Variants in BRWD3 observed in about 807,000 individuals in gnomAD.
BRWD3 encodes the protein bromodomain and WD repeat domain containing 3.
In BRWD3, 10 loss-of-function variants were observed where a neutral mutation model predicts 149.7. That is an observed-to-expected ratio of 0.07 (90% CI 0.04 to 0.11). The LOEUF is 0.11. Among genes scored for constraint, BRWD3 ranks in the 10% least tolerant of loss-of-function variants. The pLI is 1.00. For missense variants in BRWD3, 940 were observed against 1,373.2 expected, an observed-to-expected ratio of 0.68 and a Z score of 4.99; for synonymous variants, 504 against 456.7, an observed-to-expected ratio of 1.10 and a Z score of -1.32.
At chrX:80,756,409 G>A (rs1398646135) in intron 6 of BRWD3, among the ~76,000 whole-genome samples, 2 of 101,948 alleles carry the variant, frequency 2.0e-5, no homozygotes, top group Admixed American at 1.1e-4. Context: ...GGCTGAGGCA[G>A]GAGAATTGCT....
At chrX:80,764,263 G>A (rs1388290142) in intron 6 of BRWD3, among the ~76,000 whole-genome samples, 1 of 111,462 alleles carries the variant, frequency 9.0e-6, no homozygotes, top group Non-Finnish European at 1.9e-5. Flanking sequence ...CAAACGTTTA[G>A]AAAAAAAGAC....
At chrX:80,714,958 T>C (rs1043735140) in intron 20 of BRWD3, among the ~76,000 whole-genome samples, 1 of 112,336 alleles carries the variant, frequency 8.9e-6, no homozygotes, top group Non-Finnish European at 1.9e-5. Flanking sequence ...AAGTGAAAAC[T>C]ATTTTATTCT....
chrX:80,762,080 A>G (rs1393545515), intron 6 of BRWD3, among the ~76,000 whole-genome samples: 1 of 111,788 alleles, frequency 8.9e-6, no homozygotes, highest in African/African-American at 3.2e-5. Flanking sequence ...AAAAAAATAC[A>G]GCTGACTTTG....
At position 80,722,797 on chromosome X, in the gene BRWD3, A is replaced by G; in HGVS notation, c.1651-10T>C. On this transcript the variant is annotated splice_polypyrimidine_tract_variant and intron_variant, in intron 16 of 40. Transcript: ENST00000373275. ...ACATCTGATCTGGAATCTTTATGACAGATTTTTAGTGGGTTAACATACACA... is the reference window on the plus strand; with the variant it reads ...ACATCTGATCTGGAATCTTTATGACGGATTTTTAGTGGGTTAACATACACA... 1 of 1,176,251 alleles carries G rather than the reference A, an allele frequency of 8.5e-7. No individual in the cohort carries two copies. Among genetic ancestry groups the G allele is most frequent in the Non-Finnish European group, 1.2e-6 (1 of 863,014 alleles).
At chrX:80,706,605 C>A (rs1403500788) in intron 22 of BRWD3, among the ~76,000 whole-genome samples, 1 of 112,258 alleles carries the variant, frequency 8.9e-6, no homozygotes, top group African/African-American at 3.2e-5. Flanking sequence ...GAGACAAAAA[C>A]ACATGGAGCT....
rs776066324 is a variant in BRWD3 at position 80,790,741 on chromosome X, T to C, written c.430+1113A>G. 1.8e-3 allele frequency among the ~76,000 whole-genome samples: 203 copies of C among 112,045 alleles called. 2 individuals are homozygous for C. The highest frequency in any genetic ancestry group is 5.9e-3 in the African/African-American group (182 of 30,896). ...ATGTGACCCATGAAGCATAACACAC[T>C]ACAAAATAATGTTGACAGTATAGCT... On this transcript the variant is annotated intron_variant, in intron 6 of 40. Transcript: ENST00000373275.
At chrX:80,742,237 G>A (rs909103974) in intron 8 of BRWD3, among the ~76,000 whole-genome samples, 2 of 110,511 alleles carry the variant, frequency 1.8e-5, no homozygotes, top group Non-Finnish European at 3.8e-5. Context: ...GTGGCATTAT[G>A]TCTGAGTGCT....
intron 21 of BRWD3, 86 bp from the exon 22 acceptor site, chrX:80,707,589 A>C (rs868261249): frequency 1.1e-6 from 1 of 893,859 alleles, no homozygotes; most frequent in South Asian, 2.2e-5. Context: ...GTTTTATAGC[A>C]TTTTTTTGAA....
At position 80,713,291 on chromosome X, in the gene BRWD3, T is replaced by G. The variant is rs1365135329; in HGVS notation, c.2325+2866A>C. On this transcript the variant is annotated intron_variant, in intron 20 of 40. Coordinates refer to ENST00000373275, the MANE Select transcript of BRWD3 (RefSeq NM_153252.5). The stretch of plus-strand genomic sequence containing the variant: ...AAAGATTGAGAAATCGGATGGTTGC[T>G]GTGTCTGTGTAGAAAGAAGTAGACA... 3.6e-5 allele frequency among the ~76,000 whole-genome samples: 4 copies of G among 111,387 alleles called. No individual in the cohort carries two copies. In the South Asian group the frequency reaches 1.5e-3, roughly 42 times the overall value.
rs184028883 is a variant in BRWD3 at position 80,761,185 on chromosome X, C to T, written c.431-15456G>A. 4.9e-3 allele frequency among the ~76,000 whole-genome samples: 554 copies of T among 112,048 alleles called. 7 individuals carry two copies. The highest frequency in any genetic ancestry group is 5.2e-3 in the Non-Finnish European group (278 of 53,188). On this transcript the variant is annotated intron_variant, in intron 6 of 40. Transcript: ENST00000373275. Reference sequence around the variant, plus strand: ...AATTATTACAGAGTGGTTATACTAACGATACTTTATTAGTGCATCAACCTA... The same window carrying T: ...AATTATTACAGAGTGGTTATACTAATGATACTTTATTAGTGCATCAACCTA...
At chrX:80,755,542 T>TA (rs1167623330) in intron 6 of BRWD3, among the ~76,000 whole-genome samples, 1 of 111,814 alleles carries the variant, frequency 8.9e-6, no homozygotes, top group Non-Finnish European at 1.9e-5. Flanking sequence ...AAAAGCACCA[T>TA]ACAGTGAGAT....
At chrX:80,789,474 C>T (rs1420813932) in intron 6 of BRWD3, among the ~76,000 whole-genome samples, 2 of 111,780 alleles carry the variant, frequency 1.8e-5, no homozygotes, top group Non-Finnish European at 3.8e-5. Context: ...CTCCCGGGTT[C>T]ACGCCATTCT....
Position 80,691,188 on chromosome X carries a change from A to T in BRWD3, c.3482-15T>A. On this transcript the variant is annotated splice_polypyrimidine_tract_variant and intron_variant, in intron 30 of 40. Coordinates refer to ENST00000373275, the MANE Select transcript of BRWD3 (RefSeq NM_153252.5). ...GCTGGCAAAATCTACAAAATTATGA[A>T]AATCAAATAAGGTAGCTATAAAGGA... 1 of 1,202,562 alleles carries T rather than the reference A, an allele frequency of 8.3e-7. No individual in the cohort carries two copies. The highest frequency in any genetic ancestry group is 3.0e-5 in the East Asian group (1 of 33,709).
chrX:80,751,464 C>T (rs770945979), intron 6 of BRWD3, among the ~76,000 whole-genome samples: 7 of 111,687 alleles, frequency 6.3e-5, no homozygotes, highest in Admixed American at 5.7e-4. Flanking sequence ...TAAATAACTA[C>T]CAGAAAGAAA....
chrX:80,802,909 TC>T (rs900136067), intron 4 of BRWD3, among the ~76,000 whole-genome samples: 5 of 110,164 alleles, frequency 4.5e-5, no homozygotes, highest in African/African-American at 1.7e-4. Context: ...ATCGAGACCA[TC>T]CTGGCTAACA....
At position 80,722,683 on chromosome X, in the gene BRWD3, A is replaced by C. The variant is rs797045416; in HGVS notation, c.1755T>G (p.Pro585=). The C allele has an allele frequency of 3.3e-6, 4 of 1,210,253 alleles. No homozygotes were observed. The South Asian group carries it at 5.3e-5, about 16-fold the overall frequency. The change falls in exon 17 of 41, where the codon CCT becomes CCG. Residue 585 remains proline, a synonymous_variant. Transcript: ENST00000373275. ...CATCAACATCCACCAAAAATGGAGG[A>C]GGCATGAGGTGAGGAGCTTGTTGGG... ...EQTQQAPHLM[P]PPFLVDVDGN...
chrX:80,773,247 G>A (rs2073966803), intron 6 of BRWD3, among the ~76,000 whole-genome samples: 1 of 111,132 alleles, frequency 9.0e-6, no homozygotes, highest in Non-Finnish European at 1.9e-5. Flanking sequence ...GTAAAACTGA[G>A]GACATCTGAT....
intron 37 of BRWD3, among the ~76,000 whole-genome samples, chrX:80,683,519 C>G (rs752551941): frequency 9.0e-6 from 1 of 111,580 alleles, no homozygotes; most frequent in African/African-American, 3.2e-5. Context: ...TGATTAAAAG[C>G]TAATCAGATA....
At position 80,722,599 on chromosome X, in the gene BRWD3, A is replaced by G; in HGVS notation, c.1839T>C (p.Asp613=). ...ATCCCAGCTGTGGTATAAGCTGTTC[A>G]TCTTTACAATTTTCCCGTCCTGGTA... ...RLVPGRENCK[D]EQLIPQLGYV... Residue 613 remains aspartate, a synonymous_variant, in exon 17 of 41, where the codon GAT becomes GAC. Transcript: ENST00000373275. 8.3e-7 allele frequency: 1 copy of G among 1,211,661 alleles called. No homozygotes were observed. The highest frequency in any genetic ancestry group is 3.0e-5 in the East Asian group (1 of 33,842).
Sources: allele counts gnomAD v4.1 joint callset (sites outside exome capture counted in the v4.1 genomes callset), GRCh38; gene constraint gnomAD v4.1.1; transcripts MANE v1.5; gene names NCBI Gene and HGNC (gene_info 2026-07-23, HGNC 2026-07-21).